KCND3: variants seen among roughly 807,000 people sequenced by gnomAD.
KCND3 encodes the protein A-type voltage-gated potassium channel KCND3.
Under a neutral mutation model 51.1 loss-of-function variants are expected in KCND3, and 9 were observed. The ratio of observed to expected loss-of-function variants is 0.18; its 90% CI spans 0.11 to 0.31. KCND3 has a LOEUF of 0.31. Ranked by LOEUF, KCND3 falls within the 10% of genes least tolerant of loss-of-function variation. The pLI, the probability that KCND3 is intolerant of heterozygous loss-of-function variation, is 1.00. For synonymous variants in KCND3, 349 were observed against 368.0 expected, an observed-to-expected ratio of 0.95 and a Z score of 0.59; for missense variants, 526 against 903.8, an observed-to-expected ratio of 0.58 and a Z score of 5.36.
At chr1:111,983,857 G>A (rs1675113643) in intron 1 of KCND3, among the ~76,000 whole-genome samples, 2 of 152,180 alleles carry the variant, frequency 1.3e-5, no homozygotes, top group Admixed American at 1.3e-4. Context: ...TGGACAGAGG[G>A]AGCAATGGCA....
At position 111,780,608 on chromosome 1, in the gene KCND3, G is replaced by T; in HGVS notation, c.1371+82C>A. ...TTGGGGTTCATACTGGGGCTCTGGT[G>T]AGAGTGCTGGTGTCCCGGGAAAGAG... On this transcript the variant is annotated intron_variant, in intron 4 of 7. Transcript: ENST00000302127. This position sits in a 1 kb window ranked among gnomAD's most constrained non-coding sequence, Gnocchi z 4.2. 2 of 1,222,056 alleles carry T rather than the reference G, an allele frequency of 1.6e-6. No homozygotes were observed. Among genetic ancestry groups the T allele is most frequent in the Middle Eastern group, 1.9e-4 (1 of 5,300 alleles). The allele number at this position is 1,222,056 out of a possible 1,614,324, so 75.7% of individuals were successfully genotyped here.
chr1:111,963,385 G>A (rs1285084382), intron 2 of KCND3, among the ~76,000 whole-genome samples: 1 of 152,232 alleles, frequency 6.6e-6, no homozygotes, highest in African/African-American at 2.4e-5. Flanking sequence ...GAATGCCTCA[G>A]GGTGAAACCC....
At chr1:111,896,944 A>C (rs1231375239) in intron 2 of KCND3, among the ~76,000 whole-genome samples, 1 of 152,240 alleles carries the variant, frequency 6.6e-6, no homozygotes, top group South Asian at 2.1e-4. Context: ...GTTCTGGCAC[A>C]TAGGAGGGGC....
chr1:111,983,399 C>T (rs1012711380), intron 1 of KCND3, among the ~76,000 whole-genome samples: 2 of 152,160 alleles, frequency 1.3e-5, no homozygotes, highest in African/African-American at 2.4e-5. Context: ...CCCCAACTCC[C>T]ATGGAGAAGG....
At chr1:111,938,482 C>G (rs1203905888) in intron 2 of KCND3, among the ~76,000 whole-genome samples, 1 of 152,128 alleles carries the variant, frequency 6.6e-6, no homozygotes, top group East Asian at 1.9e-4. Context: ...GGAGCTAGAT[C>G]ACCAATAAGA....
At chr1:111,847,419 A>G (rs1667603827) in intron 2 of KCND3, among the ~76,000 whole-genome samples, 1 of 152,222 alleles carries the variant, frequency 6.6e-6, no homozygotes, top group Non-Finnish European at 1.5e-5. Flanking sequence ...AAAAATGGCC[A>G]AAAGAAAATA....
chr1:111,792,728 A>C (rs1664890257), intron 2 of KCND3, among the ~76,000 whole-genome samples: 1 of 152,080 alleles, frequency 6.6e-6, no homozygotes, highest in African/African-American at 2.4e-5. Flanking sequence ...TGCATGAGTT[A>C]CTTTTTGTGA....
At chr1:111,896,989 C>G (rs1557704822) in intron 2 of KCND3, among the ~76,000 whole-genome samples, 1 of 152,240 alleles carries the variant, frequency 6.6e-6, no homozygotes, top group East Asian at 1.9e-4. Context: ...ATCACTGCCC[C>G]ACTCCTGCAA....
At chr1:111,858,257 C>T (rs1476716164) in intron 2 of KCND3, among the ~76,000 whole-genome samples, 1 of 152,142 alleles carries the variant, frequency 6.6e-6, no homozygotes, top group Non-Finnish European at 1.5e-5. Context: ...TTGCCATTTC[C>T]CTGGGCAAAC....
chr1:111,791,042 A>C (rs1236141012), intron 2 of KCND3, among the ~76,000 whole-genome samples: 1 of 152,182 alleles, frequency 6.6e-6, no homozygotes, highest in Non-Finnish European at 1.5e-5. Flanking sequence ...TTTGTGTACA[A>C]GTTTTTGTGT....
intron 2 of KCND3, among the ~76,000 whole-genome samples, chr1:111,870,808 T>C (rs1668797259): frequency 6.6e-6 from 1 of 152,246 alleles, no homozygotes; most frequent in African/African-American, 2.4e-5. Context: ...ATTGAGGTAC[T>C]ATCCTGTGCA....
chr1:111,893,441 G>A (rs987204024), intron 2 of KCND3, among the ~76,000 whole-genome samples: 5 of 152,168 alleles, frequency 3.3e-5, no homozygotes, highest in African/African-American at 7.2e-5. Context: ...GATGGCCTTG[G>A]TAGGAGACTC....
At chr1:111,795,531 AAG>A (rs1665017854) in intron 2 of KCND3, among the ~76,000 whole-genome samples, 1 of 152,256 alleles carries the variant, frequency 6.6e-6, no homozygotes, top group Non-Finnish European at 1.5e-5. Context: ...TAACGTGCTC[AAG>A]ATCATCGGCT....
At chr1:111,919,084 T>C (rs1249752190) in intron 2 of KCND3, among the ~76,000 whole-genome samples, 1 of 151,586 alleles carries the variant, frequency 6.6e-6, no homozygotes, top group Non-Finnish European at 1.5e-5. Context: ...GGTGCCTTCA[T>C]TCATTAATTC....
chr1:111,829,086 A>G (rs1666711721), intron 2 of KCND3, among the ~76,000 whole-genome samples: 1 of 152,226 alleles, frequency 6.6e-6, no homozygotes, highest in South Asian at 2.1e-4. Context: ...GTAGTAAGAG[A>G]GAAAGTCATG....
intron 2 of KCND3, among the ~76,000 whole-genome samples, chr1:111,941,696 G>C (rs1460555392): frequency 6.6e-6 from 1 of 152,156 alleles, no homozygotes. Context: ...GCCAACGAGG[G>C]GGACCCCGCA....
In KCND3 at chr1:111,841,911, C is replaced by T. The variant is rs560670287; in HGVS notation, c.1107-54805G>A. 8.5e-5 allele frequency among the ~76,000 whole-genome samples: 13 copies of T among 152,354 alleles called. No individual in the cohort carries two copies. In the South Asian group the frequency reaches 1.9e-3, roughly 22 times the overall value. Reference sequence around the variant, plus strand: ...AGGTTGGCAGAAGGCTATGCCCAAGCGGCCCTGGGAGTACAGGCCTGGGGG... The same window carrying T: ...AGGTTGGCAGAAGGCTATGCCCAAGTGGCCCTGGGAGTACAGGCCTGGGGG... On this transcript the variant is annotated intron_variant, in intron 2 of 7. Transcript: ENST00000302127.
intron 2 of KCND3, among the ~76,000 whole-genome samples, chr1:111,911,783 C>A (rs59015726): frequency 1.3e-5 from 2 of 152,132 alleles, no homozygotes; most frequent in Admixed American, 6.5e-5. Flanking sequence ...GAAAGTCATA[C>A]AAAATATATG....
intron 2 of KCND3, among the ~76,000 whole-genome samples, chr1:111,944,706 C>T (rs1170712878): frequency 6.6e-6 from 1 of 152,224 alleles, no homozygotes; most frequent in East Asian, 1.9e-4. Context: ...TGTGTGTCTC[C>T]CGCAGTGCCT....
Sources: allele counts gnomAD v4.1 joint callset (sites outside exome capture counted in the v4.1 genomes callset), GRCh38; gene constraint gnomAD v4.1.1; non-coding constraint Gnocchi (gnomAD v3.1); transcripts MANE v1.5; gene names NCBI Gene and HGNC (gene_info 2026-07-23, HGNC 2026-07-21).